GDF11: variants seen among roughly 807,000 people sequenced by gnomAD.
GDF11 encodes growth/differentiation factor 11.
Under a neutral mutation model 34.4 loss-of-function variants are expected in GDF11, and 12 were observed. The observed-to-expected ratio is 0.35, with a 90% CI of 0.22 to 0.57. The LOEUF (loss-of-function observed/expected upper bound fraction) is 0.57, where lower values mean the gene tolerates loss of function less well. GDF11 is among the 20% of genes least tolerant of loss of function. The pLI, the probability that GDF11 is intolerant of heterozygous loss-of-function variation, is 0.86. For missense variants in GDF11, 346 were observed against 548.2 expected, an observed-to-expected ratio of 0.63 and a Z score of 3.68; for synonymous variants, 212 against 231.1, an observed-to-expected ratio of 0.92 and a Z score of 0.75.
chr12:55,744,125 C>G (rs1459401100), intron 1 of GDF11, among the ~76,000 whole-genome samples: 5 of 152,186 alleles, frequency 3.3e-5, no homozygotes, highest in African/African-American at 9.7e-5. Context: ...AATCGGGAGG[C>G]TGCAGGACCC....
Position 55,750,048 on chromosome 12 carries a change from G to C in GDF11, c.*166G>C. ...CAGAGGGAGGCAGGTGGGAATTGAG[G>C]GTGAGGGGTTTGGGGGAAAGGGGAA... On this transcript the variant is annotated 3_prime_UTR_variant, in exon 3 of 3. Coordinates refer to ENST00000257868, the MANE Select transcript of GDF11 (RefSeq NM_005811.5). 3 of 650,368 alleles carry C rather than the reference G, an allele frequency of 4.6e-6. No individual in the cohort carries two copies. The highest frequency in any genetic ancestry group is 4.1e-5 in the South Asian group (2 of 48,682). The allele number at this position is 650,368 out of a possible 1,614,324, so 40.3% of individuals were successfully genotyped here. A position where few individuals can be genotyped will look rare whatever the true frequency, so the allele number is the denominator to read the frequency against.
At chr12:55,746,501 CTG>C (rs1396758464) in intron 1 of GDF11, among the ~76,000 whole-genome samples, 1 of 152,206 alleles carries the variant, frequency 6.6e-6, no homozygotes, top group African/African-American at 2.4e-5. Context: ...AGTCTCTCCC[CTG>C]GCTCTTCTCC....
At position 55,752,907 on chromosome 12, in the gene GDF11, G is replaced by A. The variant is rs1299013294; in HGVS notation, c.*3025G>A. 2 of 152,186 alleles carry A rather than the reference G, an allele frequency of 1.3e-5. No individual in the cohort carries two copies. The highest frequency in any genetic ancestry group is 1.5e-5 in the Non-Finnish European group (1 of 68,040). 9.4% of individuals were successfully genotyped at this position (152,186 alleles called of 1,614,324 possible). On this transcript the variant is annotated 3_prime_UTR_variant, in exon 3 of 3. Coordinates refer to ENST00000257868, the MANE Select transcript of GDF11 (RefSeq NM_005811.5). ...GTGCTGAGCTCTTCTCCCTAATCAA[G>A]TGCCACATTTACACCTTGGAGAACC...
chr12:55,749,304 T>C lies in GDF11; in HGVS notation c.844-198T>C, dbSNP rs1000257431. ...GATCAGGTTGCCAGAAGAGTAAGAA[T>C]TAGAGATGGTGAGTTGAAGGAGAGC... On this transcript the variant is annotated intron_variant, in intron 2 of 2. Coordinates refer to ENST00000257868, the MANE Select transcript of GDF11 (RefSeq NM_005811.5). This position sits in a 1 kb window ranked among gnomAD's most constrained non-coding sequence, Gnocchi z 5.6. 4.0e-5 allele frequency among the ~76,000 whole-genome samples: 6 copies of C among 151,858 alleles called. No homozygotes were observed. The highest frequency in any genetic ancestry group is 1.5e-4 in the African/African-American group (6 of 41,304).
At chr12:55,746,676 T>C (rs1189469084) in intron 1 of GDF11, among the ~76,000 whole-genome samples, 1 of 152,260 alleles carries the variant, frequency 6.6e-6, no homozygotes, top group Non-Finnish European at 1.5e-5. Flanking sequence ...TAGTAGAGAA[T>C]GCGAAAATAG....
intron 1 of GDF11, among the ~76,000 whole-genome samples, chr12:55,745,524 G>C (rs1331327167): frequency 1.3e-5 from 2 of 150,632 alleles, no homozygotes; most frequent in South Asian, 4.3e-4. Flanking sequence ...CTGGGTCTCC[G>C]GCCAGGTATT....
Position 55,756,197 on chromosome 12 carries a change from A to C in GDF11, c.*6315A>C, listed in dbSNP as rs1427804425. 1 of 152,216 alleles carries C rather than the reference A, an allele frequency of 6.6e-6. No individual in the cohort carries two copies. Among genetic ancestry groups the C allele is most frequent in the East Asian group, 1.9e-4 (1 of 5,202 alleles). The allele number at this position is 152,216 out of a possible 1,614,324, so 9.4% of individuals were successfully genotyped here. On this transcript the variant is annotated 3_prime_UTR_variant, in exon 3 of 3. Coordinates refer to ENST00000257868, the MANE Select transcript of GDF11 (RefSeq NM_005811.5). The stretch of plus-strand genomic sequence containing the variant: ...AAGAGGGAAAAGGGAAGGTCATTCC[A>C]ATTTTAAGGTTTATTTGGTTGAAGA...
intron 1 of GDF11, among the ~76,000 whole-genome samples, chr12:55,744,677 C>A (rs1458199802): frequency 1.3e-5 from 2 of 149,484 alleles, no homozygotes; most frequent in Non-Finnish European, 3.0e-5. Context: ...GGTCAGGTGA[C>A]TCCTTCTCCT....
intron 1 of GDF11, among the ~76,000 whole-genome samples, chr12:55,745,983 G>T (rs3782241): frequency 2.0e-5 from 3 of 151,986 alleles, no homozygotes; most frequent in Admixed American, 6.5e-5. Flanking sequence ...TGTGTGTTTG[G>T]GGGGGTTAGG....
In GDF11 at chr12:55,754,294, T is replaced by G. The variant is rs1878434658; in HGVS notation, c.*4412T>G. On this transcript the variant is annotated 3_prime_UTR_variant, in exon 3 of 3. Coordinates refer to ENST00000257868, the MANE Select transcript of GDF11 (RefSeq NM_005811.5). ...AAAAAAGACTACTCAAGATGACTTT[T>G]TACAAGTCTTTTCTTTATCCTAAAA... The G allele has an allele frequency of 6.6e-6, 1 of 152,246 alleles. No homozygotes were observed. The allele number at this position is 152,246 out of a possible 1,614,324, so 9.4% of individuals were successfully genotyped here. A position where few individuals can be genotyped will look rare whatever the true frequency, so the allele number is the denominator to read the frequency against.
intron 1 of GDF11, among the ~76,000 whole-genome samples, chr12:55,744,909 G>A (rs1313357795): frequency 6.6e-6 from 1 of 152,188 alleles, no homozygotes; most frequent in Non-Finnish European, 1.5e-5. Context: ...CCATGGGAGA[G>A]GCACAGGAAC....
rs1174262477 is a variant in GDF11, at chr12:55,749,009, A to G, written c.843+26A>G. ...GTGAGCAGGGGGCCTGAGGTGGTGG[A>G]TATGTGTAACCTGGCCCTGAGGAGA... On this transcript the variant is annotated intron_variant, in intron 2 of 2. Coordinates refer to ENST00000257868, the MANE Select transcript of GDF11 (RefSeq NM_005811.5). The surrounding 1 kb of genome is among the most constrained non-coding windows in gnomAD (Gnocchi z 5.6). 31 of 1,577,190 alleles carry G rather than the reference A, an allele frequency of 2.0e-5. No homozygotes were observed. The highest frequency in any genetic ancestry group is 2.3e-5 in the Non-Finnish European group (27 of 1,168,704).
intron 1 of GDF11, among the ~76,000 whole-genome samples, chr12:55,747,935 T>C (rs1415384933): frequency 6.6e-6 from 1 of 152,240 alleles, no homozygotes; most frequent in Non-Finnish European, 1.5e-5. Context: ...CTGAAGAAAC[T>C]TCTTAAGAGA....
intron 1 of GDF11, among the ~76,000 whole-genome samples, chr12:55,746,212 T>C (rs1565665004): frequency 6.6e-6 from 1 of 152,186 alleles, no homozygotes; most frequent in Non-Finnish European, 1.5e-5. Context: ...TCTGTGGCTC[T>C]ACCTGCTTCT....
rs1222631401 is a variant in GDF11, at chr12:55,750,760, G to C, written c.*878G>C. On this transcript the variant is annotated 3_prime_UTR_variant, in exon 3 of 3. Coordinates refer to ENST00000257868, the MANE Select transcript of GDF11 (RefSeq NM_005811.5). ...AAGAGGTTAGGGTTTAAGAGCTGGG[G>C]ATGCGGGGGTGGGAGAGAGAACCCT... The C allele has an allele frequency of 6.6e-6, 1 of 152,174 alleles. No homozygotes were observed. Among genetic ancestry groups the C allele is most frequent in the African/African-American group, 2.4e-5 (1 of 41,434 alleles). 9.4% of individuals were successfully genotyped at this position (152,174 alleles called of 1,614,324 possible).
Position 55,748,441 on chromosome 12 carries a change from G to A in GDF11, c.446-145G>A, listed in dbSNP as rs1249097722. 2.8e-6 allele frequency: 2 copies of A among 707,540 alleles called. No homozygotes were observed. The highest frequency in any genetic ancestry group is 1.8e-5 in the African/African-American group (1 of 56,592). 43.8% of individuals were successfully genotyped at this position (707,540 alleles called of 1,614,324 possible). A position where few individuals can be genotyped will look rare whatever the true frequency, so the allele number is the denominator to read the frequency against. The stretch of plus-strand genomic sequence containing the variant: ...AGGAAGTGCTGTTTTAGGTACCGGA[G>A]ACATGGTATAAGATAGGCATGGGAG... On this transcript the variant is annotated intron_variant, in intron 1 of 2. Coordinates refer to ENST00000257868, the MANE Select transcript of GDF11 (RefSeq NM_005811.5). This position sits in a 1 kb window ranked among gnomAD's most constrained non-coding sequence, Gnocchi z 5.6.
At position 55,753,325 on chromosome 12, in the gene GDF11, C is replaced by T. The variant is rs1361895916; in HGVS notation, c.*3443C>T. Reference sequence around the variant, plus strand: ...AATCTAAACCAACATAGCCAACGAACTTGCCTTGTTACACAAGAGTGGCTA... The same window carrying T: ...AATCTAAACCAACATAGCCAACGAATTTGCCTTGTTACACAAGAGTGGCTA... On this transcript the variant is annotated 3_prime_UTR_variant, in exon 3 of 3. Coordinates refer to ENST00000257868, the MANE Select transcript of GDF11 (RefSeq NM_005811.5). 6.6e-6 allele frequency: 1 copy of T among 152,216 alleles called. No individual in the cohort carries two copies. The highest frequency in any genetic ancestry group is 1.5e-5 in the Non-Finnish European group (1 of 68,038). The allele number at this position is 152,216 out of a possible 1,614,324, so 9.4% of individuals were successfully genotyped here.
At position 55,753,430 on chromosome 12, in the gene GDF11, A is replaced by C. The variant is rs1020843996; in HGVS notation, c.*3548A>C. On this transcript the variant is annotated 3_prime_UTR_variant, in exon 3 of 3. Coordinates refer to ENST00000257868, the MANE Select transcript of GDF11 (RefSeq NM_005811.5). ...TAGAGCACAATTCCCCAGGAATATGAGTTGGGAATGGCAAAAGAATATTGC... is the reference window on the plus strand; with the variant it reads ...TAGAGCACAATTCCCCAGGAATATGCGTTGGGAATGGCAAAAGAATATTGC... The C allele has an allele frequency of 1.3e-5, 2 of 152,226 alleles. No individual in the cohort carries two copies. Among genetic ancestry groups the C allele is most frequent in the African/African-American group, 4.8e-5 (2 of 41,456 alleles). 9.4% of individuals were successfully genotyped at this position (152,226 alleles called of 1,614,324 possible). A position where few individuals can be genotyped will look rare whatever the true frequency, so the allele number is the denominator to read the frequency against.
intron 1 of GDF11, among the ~76,000 whole-genome samples, chr12:55,744,597 C>T (rs1275257166): frequency 1.3e-5 from 2 of 152,058 alleles, no homozygotes; most frequent in African/African-American, 4.8e-5. Flanking sequence ...TAGACATGAG[C>T]TGCTTTGAAA....
Sources: allele counts gnomAD v4.1 joint callset (sites outside exome capture counted in the v4.1 genomes callset), GRCh38; gene constraint gnomAD v4.1.1; non-coding constraint Gnocchi (gnomAD v3.1); transcripts MANE v1.5; gene names NCBI Gene and HGNC (gene_info 2026-07-23, HGNC 2026-07-21).